The following FMN1 variants were observed in gnomAD, a reference collection of about 807,000 sequenced individuals.
The protein encoded by FMN1 is formin 1.
Under a neutral mutation model 132.4 loss-of-function variants are expected in FMN1, and 110 were observed. The ratio of observed to expected loss-of-function variants is 0.83; its 90% confidence interval spans 0.71 to 0.97. The LOEUF (loss-of-function observed/expected upper bound fraction) is 0.97, where lower values mean the gene tolerates loss of function less well. Ranked by LOEUF, FMN1 falls within the 50% of genes least tolerant of loss-of-function variation. The pLI, the probability that FMN1 is intolerant of heterozygous loss-of-function variation, is 0.00. For synonymous variants in FMN1, 722 were observed against 651.7 expected (o/e 1.11, Z -1.64); for missense variants, 1,792 against 1,705.3 (o/e 1.05, Z -0.90).
chr15:33,150,579 T>G (rs1964403064), intron 4 of FMN1: 8 of 985,468 alleles, frequency 8.1e-6, no homozygotes, highest in Non-Finnish European at 9.6e-6. Context: ...GCATGAATGG[T>G]AATGTCAGCT....
chr15:32,939,751 A>G (rs920536276), intron 9 of FMN1, among the ~76,000 whole-genome samples: 12 of 152,200 alleles, frequency 7.9e-5, no homozygotes, highest in Non-Finnish European at 1.6e-4. Flanking sequence ...GAAAGAAATC[A>G]AATTCAACGA....
At chr15:33,046,896 A>G (rs1046362979) in intron 6 of FMN1, among the ~76,000 whole-genome samples, 1 of 152,148 alleles carries the variant, frequency 6.6e-6, no homozygotes, top group East Asian at 1.9e-4. Context: ...GCACGGTTCT[A>G]TCATAAGGAA....
intron 17 of FMN1, among the ~76,000 whole-genome samples, chr15:32,832,353 T>G (rs536645432): frequency 6.6e-6 from 1 of 152,360 alleles, no homozygotes; most frequent in Non-Finnish European, 1.5e-5. Context: ...ACTTTCCTTC[T>G]GATGAAGCTG....
At chr15:32,948,373 T>C (rs577640706) in intron 9 of FMN1, among the ~76,000 whole-genome samples, 39 of 152,048 alleles carry the variant, frequency 2.6e-4, no homozygotes, top group Non-Finnish European at 5.0e-4. Flanking sequence ...GAAATTGTCC[T>C]GTAGTTTCTT....
intron 3 of FMN1, among the ~76,000 whole-genome samples, chr15:33,158,995 A>G (rs891214960): frequency 6.6e-6 from 1 of 152,130 alleles, no homozygotes; most frequent in East Asian, 1.9e-4. Flanking sequence ...CCTGACCAAC[A>G]TGGTAAAACC....
chr15:33,049,345 TAAGG>T (rs1247463286), intron 6 of FMN1, among the ~76,000 whole-genome samples: 1 of 152,230 alleles, frequency 6.6e-6, no homozygotes, highest in African/African-American at 2.4e-5. Context: ...ACTGAGACTT[TAAGG>T]AAACACATAG....
intron 4 of FMN1, among the ~76,000 whole-genome samples, chr15:33,135,968 C>G (rs1963748638): frequency 1.3e-5 from 2 of 152,202 alleles, no homozygotes; most frequent in African/African-American, 4.8e-5. Flanking sequence ...GCCTACTGCT[C>G]TGTCTACTAT....
At chr15:32,905,819 T>C (rs548680875) in intron 12 of FMN1, among the ~76,000 whole-genome samples, 1 of 152,188 alleles carries the variant, frequency 6.6e-6, no homozygotes, top group African/African-American at 2.4e-5. Context: ...AGAATCAGAG[T>C]GGCATAAATC....
chr15:33,089,193 G>C (rs186206970), intron 4 of FMN1, among the ~76,000 whole-genome samples: 7 of 152,268 alleles, frequency 4.6e-5, no homozygotes, highest in Admixed American at 4.6e-4. Context: ...CATCCCCCAA[G>C]TCTATTGGCT....
At chr15:32,812,039 C>T (rs2057900671) in intron 17 of FMN1, among the ~76,000 whole-genome samples, 1 of 152,032 alleles carries the variant, frequency 6.6e-6, no homozygotes, top group South Asian at 2.1e-4. Flanking sequence ...AACAAACAAA[C>T]AAACAAACAA....
intron 5 of FMN1, 84 bp from the exon 6 acceptor site, chr15:33,065,158 G>T: frequency 1.2e-6 from 1 of 862,184 alleles, no homozygotes; most frequent in African/African-American, 1.7e-5. Flanking sequence ...ACCTAATTCT[G>T]AAGTTAATTT....
rs200854290 is a variant in FMN1 at position 32,865,849 on chromosome 15, A to AT, written c.3836-8743_3836-8742insA. ...GAAACTCCACCTCAAAAAAAAAAAA[A>AT]AAAATAAAATAAAATAAAATACCTA... On this transcript the variant is annotated intron_variant, in intron 16 of 20. Transcript: ENST00000616417. Among the ~76,000 whole-genome samples, 9 of 132,154 alleles carry AT rather than the reference A, an allele frequency of 6.8e-5. No individual in the cohort carries two copies. In the East Asian group the frequency reaches 9.8e-4, roughly 14 times the overall value. The allele number at this position is 132,154 out of a possible 152,430, so 86.7% of individuals were successfully genotyped here.
At chr15:33,067,047 G>C (rs1008476221) in intron 5 of FMN1, 1 of 1,613,954 alleles carries the variant, frequency 6.2e-7, no homozygotes, top group East Asian at 2.2e-5. Context: ...AGCACACGAA[G>C]CCCACTGAAA....
intron 4 of FMN1, among the ~76,000 whole-genome samples, chr15:33,096,242 G>A (rs763087416): frequency 6.6e-6 from 1 of 152,150 alleles, no homozygotes; most frequent in Non-Finnish European, 1.5e-5. Flanking sequence ...TCCCACCTTT[G>A]CCTTAGCTCC....
chr15:33,181,636 A>C (rs770460836), intron 2 of FMN1, among the ~76,000 whole-genome samples: 1 of 152,258 alleles, frequency 6.6e-6, no homozygotes, highest in African/African-American at 2.4e-5. Context: ...AGTTCAATGG[A>C]AAGTTATTGG....
intron 10 of FMN1, among the ~76,000 whole-genome samples, chr15:32,917,444 C>T (rs1352223060): frequency 1.3e-5 from 2 of 152,204 alleles, no homozygotes; most frequent in African/African-American, 2.4e-5. Context: ...AATCTCTGTC[C>T]ACTCCACCAC....
At chr15:33,066,752 T>C (rs1423472405) in intron 5 of FMN1, 1 of 1,613,980 alleles carries the variant, frequency 6.2e-7, no homozygotes, top group South Asian at 1.1e-5. Context: ...GCTCTGGCTC[T>C]CTTGGTCAGC....
At chr15:33,163,442 G>T (rs111477484) in intron 3 of FMN1, among the ~76,000 whole-genome samples, 1 of 140,662 alleles carries the variant, frequency 7.1e-6, no homozygotes, top group Non-Finnish European at 1.6e-5. Flanking sequence ...TTACAGGCAC[G>T]CACCACCATG....
intron 9 of FMN1, among the ~76,000 whole-genome samples, chr15:32,935,390 CTCT>C (rs1275177104): frequency 2.6e-5 from 4 of 152,104 alleles, no homozygotes; most frequent in African/African-American, 7.2e-5. Context: ...TTTCAAAATT[CTCT>C]TTTTTGTCTT....
Sources: allele counts gnomAD v4.1 joint callset (sites outside exome capture counted in the v4.1 genomes callset), GRCh38; gene constraint gnomAD v4.1.1; transcripts MANE v1.5; gene names NCBI Gene and HGNC (gene_info 2026-07-23, HGNC 2026-07-21).